The following NBPF20 variants were observed in gnomAD, a reference collection of about 807,000 sequenced individuals.
NBPF20 encodes the protein NBPF member 20, also known as NBPF family member NBPF20.
A neutral mutation model predicts 68.1 loss-of-function variants in NBPF20; 90 were observed. The observed-to-expected ratio is 1.32, with a 90% CI of 1.11 to 1.58. NBPF20 has a LOEUF of 1.58. Ranked by LOEUF, NBPF20 falls within the 40% of genes most tolerant of loss-of-function variation. The pLI, the probability that NBPF20 is intolerant of heterozygous loss-of-function variation, is 0.00. For synonymous variants in NBPF20, 290 were observed against 228.1 expected (o/e 1.27, Z -2.45); for missense variants, 816 against 601.2 (o/e 1.36, Z -3.74).
chr1:145,412,382 C>A, the NBPF20 span, among the ~76,000 whole-genome samples: 1 of 152,022 alleles, frequency 6.6e-6, no homozygotes, highest in Non-Finnish European at 1.5e-5. Context: ...ACCACTGAAC[C>A]AATTCTATGA....
chr1:145,405,432 C>A (rs1662734096), exon 1 of NBPF20: 13 of 1,576,386 alleles, frequency 8.2e-6, no homozygotes, highest in Admixed American at 3.7e-5. Context: ...TGTGATCACT[C>A]CCCACAGCAC....
At chr1:145,306,330 G>A (rs1391951071) in intron 119 of NBPF20, among the ~76,000 whole-genome samples, 6 of 147,800 alleles carry the variant, frequency 4.1e-5, no homozygotes, top group Admixed American at 1.4e-4. Context: ...GAGAGAGAAC[G>A]AGCTCAGTGA....
intron 8 of NBPF20, 28 bp downstream of exon 13, chr1:145,394,950 T>C (rs1165907240): frequency 3.7e-6 from 6 of 1,611,824 alleles, no homozygotes; most frequent in African/African-American, 1.3e-5. Context: ...GAACTGGAGC[T>C]TTATCACCTT....
At chr1:145,393,798 T>C (rs1379057737) in intron 9 of NBPF20, 86 bp downstream of exon 14, 69 of 1,322,454 alleles carry the variant, frequency 5.2e-5, no homozygotes, top group Non-Finnish European at 6.6e-5. Flanking sequence ...GACAAAATCA[T>C]TATTTTCAGC....
intron 5 of NBPF20, among the ~76,000 whole-genome samples, 187 bp from the exon 11 acceptor site, chr1:145,400,781 C>A (rs1180357199): frequency 1.3e-5 from 2 of 152,010 alleles, no homozygotes; most frequent in South Asian, 4.2e-4. Flanking sequence ...CCATGGGAAC[C>A]AGAGAGGAAG....
chr1:145,341,162 A>G (rs1227870064), intron 75 of NBPF20, among the ~76,000 whole-genome samples: 3 of 81,264 alleles, frequency 3.7e-5, no homozygotes, highest in Admixed American at 1.1e-4. Context: ...AGAGAGAGAC[A>G]GAGACAGAGA....
chr1:145,400,150 T>A (rs1472376997), intron 6 of NBPF20, among the ~76,000 whole-genome samples: 1 of 152,154 alleles, frequency 6.6e-6, no homozygotes, highest in Non-Finnish European at 1.5e-5. Flanking sequence ...CCTGTGCACC[T>A]CCTGCACTCA....
chr1:145,404,955 A>G, intron 2 of NBPF20, 143 bp downstream of exon 7: 1 of 1,231,554 alleles, frequency 8.1e-7, no homozygotes, highest in East Asian at 2.3e-5. Flanking sequence ...CTGTCTTCCA[A>G]CTAACAAAAT....
At chr1:145,410,725 T>C in the NBPF20 span, among the ~76,000 whole-genome samples, 4 of 144,640 alleles carry the variant, frequency 2.8e-5, no homozygotes, top group African/African-American at 7.7e-5. Flanking sequence ...TGTGTGTGTG[T>C]GTGCCTGTCT....
chr1:145,424,964 C>T, the NBPF20 span, among the ~76,000 whole-genome samples: 2 of 152,204 alleles, frequency 1.3e-5, no homozygotes, highest in Non-Finnish European at 2.9e-5. Flanking sequence ...AACCCAGGGG[C>T]GCGAGTGGTC....
chr1:145,410,674 A>C, the NBPF20 span, among the ~76,000 whole-genome samples: 1 of 145,536 alleles, frequency 6.9e-6, no homozygotes, highest in South Asian at 2.2e-4. Flanking sequence ...TGTGCTGTTT[A>C]TCTTATCAGA....
upstream of NBPF20, among the ~76,000 whole-genome samples, chr1:145,410,472 G>A (rs1186715724): frequency 6.0e-5 from 9 of 150,672 alleles, no homozygotes; most frequent in Non-Finnish European, 1.2e-4. Context: ...CCGCCACTAC[G>A]CCCGGCTATT....
At chr1:145,421,215 G>A in the NBPF20 span, among the ~76,000 whole-genome samples, 12 of 152,232 alleles carry the variant, frequency 7.9e-5, no homozygotes, top group Non-Finnish European at 1.6e-4. Flanking sequence ...TTTCTGTTAG[G>A]GAATTAAGAG....
chr1:145,410,850 GATA>G, the NBPF20 span, among the ~76,000 whole-genome samples: 22 of 131,780 alleles, frequency 1.7e-4, no homozygotes, highest in Non-Finnish European at 2.8e-4. Flanking sequence ...CCTATTTGGA[GATA>G]ATAATCTTCA....
Position 145,395,016 on chromosome 1 carries a change from A to C in NBPF20, c.953T>G (p.Leu318Ter). Residue 318 changes from leucine (L) to a stop codon, truncating the protein, a stop_gained, in exon 8 of 138, where the codon TTA becomes TGA. Transcript: ENST00000369373. LOFTEE classifies it high-confidence loss of function. ...AGCCATGCAGACTTGCTGTTCCTCTAATGAGTGAAATGTGCTGCTGTAAGA... is the reference window on the plus strand; with the variant it reads ...AGCCATGCAGACTTGCTGTTCCTCTCATGAGTGAAATGTGCTGCTGTAAGA... The C allele has an allele frequency of 6.2e-7, 1 of 1,611,682 alleles. No individual in the cohort carries two copies. The highest frequency in any genetic ancestry group is 8.5e-7 in the Non-Finnish European group (1 of 1,179,670).
chr1:145,403,924 A>G (rs1662643872), intron 2 of NBPF20, among the ~76,000 whole-genome samples: 1 of 151,232 alleles, frequency 6.6e-6, no homozygotes, highest in Non-Finnish European at 1.5e-5. Flanking sequence ...AGAATGAAGA[A>G]CTAATAAATA....
the NBPF20 span, among the ~76,000 whole-genome samples, chr1:145,411,387 C>CTTTTTTTTTT: frequency 9.4e-6 from 1 of 106,168 alleles, no homozygotes; most frequent in African/African-American, 3.8e-5. Flanking sequence ...GTTGACTTTC[C>CTTTTTTTTTT]TTTTTTTTTT....
chr1:145,397,908 A>C (rs1370355799), intron 7 of NBPF20, among the ~76,000 whole-genome samples: 11 of 152,174 alleles, frequency 7.2e-5, no homozygotes, highest in African/African-American at 2.2e-4. Context: ...AGCAAATGGA[A>C]AACAAAAAAA....
chr1:145,404,541 G>GCCTC (rs1662679792), intron 2 of NBPF20, among the ~76,000 whole-genome samples: 1 of 152,102 alleles, frequency 6.6e-6, no homozygotes, highest in Admixed American at 6.6e-5. Flanking sequence ...ACAGGAGTGA[G>GCCTC]CCACGTTGCA....
Sources: allele counts gnomAD v4.1 joint callset (sites outside exome capture counted in the v4.1 genomes callset), GRCh38; gene constraint gnomAD v4.1.1; transcripts MANE v1.5; gene names NCBI Gene and HGNC (gene_info 2026-07-23, HGNC 2026-07-21).